Variants in RBM17 observed in about 807,000 individuals in gnomAD.
RBM17 encodes splicing factor 45.
A neutral mutation model predicts 53.2 loss-of-function variants in RBM17; 7 were observed. The observed-to-expected ratio is 0.13, with a 90% confidence interval of 0.07 to 0.25. RBM17 has a LOEUF of 0.25. Ranked by LOEUF, RBM17 falls within the 10% of genes least tolerant of loss-of-function variation. The pLI is 1.00. For missense variants in RBM17, 257 were observed against 496.7 expected (o/e 0.52, Z 4.59); for synonymous variants, 167 against 178.1 (o/e 0.94, Z 0.50).
chr10:6,109,866 T>C, intron 6 of RBM17, 120 bp from the exon 7 acceptor site: 1 of 770,674 alleles, frequency 1.3e-6, no homozygotes, highest in Non-Finnish European at 1.9e-6. Flanking sequence ...GGTGTTTTTC[T>C]CTCCTTGTGG....
chr10:6,096,973 CATG>C, intron 1 of RBM17, 72 bp from the exon 2 acceptor site: 4 of 1,434,424 alleles, frequency 2.8e-6, no homozygotes, highest in Non-Finnish European at 3.8e-6. Flanking sequence ...TCTAAAATTT[CATG>C]ATACTTATTT....
chr10:6,103,314 A>G (rs1400171226), intron 3 of RBM17, among the ~76,000 whole-genome samples: 1 of 152,184 alleles, frequency 6.6e-6, no homozygotes, highest in Admixed American at 6.5e-5. Context: ...TTTTAAATTG[A>G]ACAAATCACT....
chr10:6,090,215 A>G (rs1432969364), intron 1 of RBM17, among the ~76,000 whole-genome samples: 1 of 152,170 alleles, frequency 6.6e-6, no homozygotes, highest in Non-Finnish European at 1.5e-5. Flanking sequence ...TGGATGGGAA[A>G]TAGGATATTC....
chr10:6,105,628 T>C (rs1327481383), intron 4 of RBM17, among the ~76,000 whole-genome samples: 4 of 152,250 alleles, frequency 2.6e-5, no homozygotes, highest in Non-Finnish European at 5.9e-5. Flanking sequence ...TTCTTAACTT[T>C]ACTATTTTTG....
In RBM17 at chr10:6,098,563, G is replaced by GTGTTTTTTTTTTTTTTT. The variant is rs1554834988; in HGVS notation, c.123+1376_123+1377insGTTTTTTTTTTTTTTTT. ...AATTTCCGTAATACACAGGTTTTTTGTTTTTTTTTTTTTTTTTTTTTTTTT... is the reference window on the plus strand; with the variant it reads ...AATTTCCGTAATACACAGGTTTTTTGTGTTTTTTTTTTTTTTTTTTTTTTTTTTTTTTTTTTTTTTTT... On this transcript the variant is annotated intron_variant, in intron 2 of 11. Transcript: ENST00000379888. Among the ~76,000 whole-genome samples, 4 of 46,666 alleles carry GTGTTTTTTTTTTTTTTT rather than the reference G, an allele frequency of 8.6e-5. No homozygotes were observed. In the East Asian group the frequency reaches 1.3e-3, roughly 15 times the overall value. The allele number at this position is 46,666 out of a possible 152,430, so 30.6% of individuals were successfully genotyped here.
intron 1 of RBM17, among the ~76,000 whole-genome samples, chr10:6,093,968 ATTTTTTTTTTTT>A (rs71390121): frequency 9.6e-5 from 9 of 93,272 alleles, no homozygotes; most frequent in African/African-American, 4.0e-4. Context: ...CAAGTGTGGA[ATTTTTTTTTTTT>A]TTTTTTTTTT....
chr10:6,117,071 C>G lies in RBM17; in HGVS notation c.*1515C>G, dbSNP rs1289189760. 1 of 83,134 alleles carries G rather than the reference C, an allele frequency of 1.2e-5. No homozygotes were observed. Among genetic ancestry groups the G allele is most frequent in the East Asian group, 3.7e-4 (1 of 2,690 alleles). The allele number at this position is 83,134 out of a possible 1,614,324, so 5.1% of individuals were successfully genotyped here. A position where few individuals can be genotyped will look rare whatever the true frequency, so the allele number is the denominator to read the frequency against. ...GAGTGTGCTTGTTTAATTTTAGAAA[C>G]TAATGGTTCCAACCCACCTTTCATG... On this transcript the variant is annotated 3_prime_UTR_variant, in exon 12 of 12. Transcript: ENST00000379888.
At chr10:6,101,107 AAT>A (rs764396905) in intron 2 of RBM17, among the ~76,000 whole-genome samples, 162 bp from the exon 3 acceptor site, 6 of 152,238 alleles carry the variant, frequency 3.9e-5, no homozygotes, top group African/African-American at 7.2e-5. Context: ...GAAAGAAAAT[AAT>A]ATATGATTAT....
At chr10:6,099,209 G>A (rs1341727584) in intron 2 of RBM17, among the ~76,000 whole-genome samples, 1 of 151,956 alleles carries the variant, frequency 6.6e-6, no homozygotes, top group Admixed American at 6.6e-5. Context: ...AAAACTTGAG[G>A]TAGCTTGTGA....
In RBM17 at chr10:6,112,492, C is replaced by G. The variant is rs752669725; in HGVS notation, c.856+131C>G. On this transcript the variant is annotated intron_variant, in intron 8 of 11. Coordinates refer to ENST00000379888, the MANE Select transcript of RBM17 (RefSeq NM_032905.5). This position sits in a 1 kb window ranked among gnomAD's most constrained non-coding sequence, Gnocchi z 4.4. Reference sequence around the variant, plus strand: ...TGTGGCCAGAGGGAGAGGGCTGGCCCTGCCATCACTAGAACACAGGCCGTC... The same window carrying G: ...TGTGGCCAGAGGGAGAGGGCTGGCCGTGCCATCACTAGAACACAGGCCGTC... 6 of 1,081,782 alleles carry G rather than the reference C, an allele frequency of 5.5e-6. No individual in the cohort carries two copies. The highest frequency in any genetic ancestry group is 8.3e-6 in the Non-Finnish European group (6 of 723,368). 67.0% of individuals were successfully genotyped at this position (1,081,782 alleles called of 1,614,324 possible).
At chr10:6,104,660 G>T (rs950457559) in intron 3 of RBM17, among the ~76,000 whole-genome samples, 1 of 152,136 alleles carries the variant, frequency 6.6e-6, no homozygotes, top group African/African-American at 2.4e-5. Context: ...ATTTTAGCTG[G>T]TGGTGGCTTA....
chr10:6,097,453 T>C lies in RBM17; in HGVS notation c.123+265T>C, dbSNP rs191288466. Among the ~76,000 whole-genome samples, 860 of 152,130 alleles carry C rather than the reference T, an allele frequency of 5.7e-3. 14 individuals are homozygous for C. The highest frequency in any genetic ancestry group is 0.02 in the African/African-American group (822 of 41,514). ...GTGGCTCACGCCTGTAATCCCAGCA[T>C]TTTGGGAGGCCAAGGCAGGCAGATC... is the stretch of plus-strand genomic sequence containing the variant. On this transcript the variant is annotated intron_variant, in intron 2 of 11. Coordinates refer to ENST00000379888, the MANE Select transcript of RBM17 (RefSeq NM_032905.5).
At chr10:6,114,378 TATG>T (rs1564570389) in intron 10 of RBM17, 2 of 392,708 alleles carry the variant, frequency 5.1e-6, no homozygotes, top group Non-Finnish European at 9.6e-6. Context: ...TGAGGATCAG[TATG>T]ATGACTGAAG....
chr10:6,112,291 C>T lies in RBM17; in HGVS notation c.786C>T (p.Ser262=). Reference sequence around the variant, plus strand: ...TGGGGAAGCATGAGCAGGGCCTGAGCACTGCCTTGTCAGTGGAGAAGACCA... The same window carrying T: ...TGGGGAAGCATGAGCAGGGCCTGAGTACTGCCTTGTCAGTGGAGAAGACCA... The part of the protein sequence containing the change: ...QGLGKHEQGL[S]TALSVEKTSK... Residue 262 remains serine (S), a synonymous_variant, in exon 8 of 12, where the codon AGC becomes AGT. Transcript: ENST00000379888. This position sits in a 1 kb window ranked among gnomAD's most constrained non-coding sequence, Gnocchi z 4.4. The T allele has an allele frequency of 6.2e-7, 1 of 1,613,970 alleles. No individual in the cohort carries two copies. Among genetic ancestry groups the T allele is most frequent in the Non-Finnish European group, 8.5e-7 (1 of 1,180,022 alleles).
chr10:6,108,338 G>A, intron 5 of RBM17: 1 of 287,802 alleles, frequency 3.5e-6, no homozygotes. Context: ...GGCCTAATGG[G>A]TATTGCTCTC....
chr10:6,098,556 G>GTTTTTTGTTTTTT (rs376601888), intron 2 of RBM17, among the ~76,000 whole-genome samples: 3 of 87,974 alleles, frequency 3.4e-5, no homozygotes, highest in Non-Finnish European at 4.5e-5. Flanking sequence ...TAATACACAG[G>GTTTTTTGTTTTTT]TTTTTTGTTT....
At chr10:6,104,605 A>G (rs1254338604) in intron 3 of RBM17, among the ~76,000 whole-genome samples, 4 of 152,230 alleles carry the variant, frequency 2.6e-5, no homozygotes, top group Non-Finnish European at 5.9e-5. Context: ...TCAGTGCTTT[A>G]CTATAAGTAT....
At chr10:6,092,234 C>T (rs531855717) in intron 1 of RBM17, among the ~76,000 whole-genome samples, 82 of 152,214 alleles carry the variant, frequency 5.4e-4, no homozygotes, top group African/African-American at 2.0e-3. Context: ...TTTTTGTTAC[C>T]TGGCAGCAGA....
intron 3 of RBM17, among the ~76,000 whole-genome samples, chr10:6,104,706 T>C (rs1289487695): frequency 3.9e-5 from 6 of 152,254 alleles, no homozygotes; most frequent in Admixed American, 1.3e-4. Flanking sequence ...TAGAGTATTA[T>C]AGAAATAGTA....
Sources: allele counts gnomAD v4.1 joint callset (sites outside exome capture counted in the v4.1 genomes callset), GRCh38; gene constraint gnomAD v4.1.1; non-coding constraint Gnocchi (gnomAD v3.1); transcripts MANE v1.5; gene names NCBI Gene and HGNC (gene_info 2026-07-23, HGNC 2026-07-21).